The following SLC2A7 variants were observed in gnomAD, a reference collection of about 807,000 sequenced individuals.
SLC2A7 encodes the protein solute carrier family 2, facilitated glucose transporter member 7.
A neutral mutation model predicts 50.5 loss-of-function variants in SLC2A7; 50 were observed. The observed-to-expected ratio is 0.99, with a 90% CI of 0.79 to 1.25. SLC2A7 has a LOEUF of 1.25. Ranked by LOEUF, SLC2A7 falls within the 50% of genes most tolerant of loss-of-function variation. SLC2A7 has a pLI of 0.00. For synonymous variants in SLC2A7, 308 were observed against 300.4 expected (o/e 1.03, Z -0.26); for missense variants, 683 against 679.1 (o/e 1.01, Z -0.06).
Position 9,013,619 on chromosome 1 carries a change from T to C in SLC2A7, c.920A>G (p.Asp307Gly), listed in dbSNP as rs763395415. The change falls in exon 8 of 12, where the codon GAC becomes GGC. Residue 307 changes from aspartate (D) to glycine (G), a missense_variant. Transcript: ENST00000400906. The stretch of plus-strand genomic sequence containing the variant: ...CACGCCCGCAGATGTGTAGATGGTG[T>C]CCGCATAGTAGTTGATCTAAACAAA... ...SGINAINYYA[D>G]TIYTSAGVEA... The C allele has an allele frequency of 3.1e-6, 5 of 1,613,186 alleles. No individual in the cohort carries two copies. The highest frequency in any genetic ancestry group is 4.5e-5 in the East Asian group (2 of 44,818).
At position 9,003,464 on chromosome 1, in the gene SLC2A7, C is replaced by T; in HGVS notation, c.1375G>A (p.Ala459Thr). Reference sequence around the variant, plus strand: ...GGAATAACCACGTAGATGTAAATCGCAGTGAGGAGGCAGATTCCGGCAAAG... The same window carrying T: ...GGAATAACCACGTAGATGTAAATCGTAGTGAGGAGGCAGATTCCGGCAAAG... Reference protein sequence around the residue: ...IIFAGICLLTAIYIYVVIPET... With the variant: ...IIFAGICLLTTIYIYVVIPET... The change falls in exon 12 of 12, where the codon GCG (alanine) becomes ACG (threonine). Residue 459 changes from alanine to threonine, a missense_variant. By Grantham distance (58) the Ala-to-Thr change is moderately conservative. Coordinates refer to ENST00000400906, the MANE Select transcript of SLC2A7 (RefSeq NM_207420.3). The T allele has an allele frequency of 1.2e-6, 2 of 1,614,180 alleles. No individual in the cohort carries two copies. The highest frequency in any genetic ancestry group is 2.2e-5 in the East Asian group (1 of 44,894).
At chr1:9,024,946 C>CA in intron 2 of SLC2A7, 30 bp downstream of exon 2, 3 of 1,579,134 alleles carry the variant, frequency 1.9e-6, no homozygotes, top group East Asian at 4.7e-5. Context: ...AGCTGCTGCC[C>CA]GGCCCACCTT....
At chr1:8,996,344 C>A in the SLC2A7 span, among the ~76,000 whole-genome samples, 1 of 152,188 alleles carries the variant, frequency 6.6e-6, no homozygotes, top group Non-Finnish European at 1.5e-5. Flanking sequence ...GATTGCAGAG[C>A]GTGTCAATAG....
At chr1:9,010,901 C>T (rs1156704050) in intron 8 of SLC2A7, among the ~76,000 whole-genome samples, 1 of 152,202 alleles carries the variant, frequency 6.6e-6, no homozygotes, top group Non-Finnish European at 1.5e-5. Context: ...ACTGCCCTTC[C>T]CACCCCACTG....
intron 3 of SLC2A7, among the ~76,000 whole-genome samples, chr1:9,019,627 G>C (rs1042521529): frequency 6.6e-6 from 1 of 152,050 alleles, no homozygotes; most frequent in African/African-American, 2.4e-5. Context: ...TTTCTGCCCC[G>C]TGAAGACACA....
chr1:9,007,266 A>G, intron 10 of SLC2A7, 44 bp downstream of exon 10: 1 of 1,602,324 alleles, frequency 6.2e-7, no homozygotes, highest in South Asian at 1.1e-5. Flanking sequence ...AGGCCCAGGA[A>G]TGGACCAGGA....
chr1:9,003,550 G>T, intron 11 of SLC2A7, 32 bp from the exon 12 acceptor site: 1 of 1,585,296 alleles, frequency 6.3e-7, no homozygotes, highest in Non-Finnish European at 8.7e-7. Context: ...ACAGGAGGGG[G>T]CAGAGAAAGG....
At chr1:9,005,958 C>T (rs1640648022) in intron 10 of SLC2A7, among the ~76,000 whole-genome samples, 1 of 152,170 alleles carries the variant, frequency 6.6e-6, no homozygotes. Flanking sequence ...AAAGTGGACG[C>T]CGGCAGGGAT....
chr1:9,023,007 C>G lies in SLC2A7; in HGVS notation c.222G>C (p.Leu74=). ...HATFMDGKLM[L]LLWSCTVSMF... ...TGGAGACGGTGCAAGACCATAGAAG[C>G]AGCATGAGCTTCCCGTCCATGAATG... Residue 74 remains leucine (L), a synonymous_variant, in exon 3 of 12, where the codon CTG becomes CTC. Coordinates refer to ENST00000400906, the MANE Select transcript of SLC2A7 (RefSeq NM_207420.3). 1 of 1,614,180 alleles carries G rather than the reference C, an allele frequency of 6.2e-7. No individual in the cohort carries two copies. The highest frequency in any genetic ancestry group is 1.6e-4 in the Middle Eastern group (1 of 6,062).
rs757007868 is a variant in SLC2A7, at chr1:9,024,985, C to T, written c.141G>A (p.Thr47=). 3 of 1,535,800 alleles carry T rather than the reference C, an allele frequency of 2.0e-6. No homozygotes were observed. The highest frequency in any genetic ancestry group is 1.8e-6 in the Non-Finnish European group (2 of 1,134,664). Residue 47 remains threonine (T), a synonymous_variant, in exon 2 of 12, where the codon ACG becomes ACA. Coordinates refer to ENST00000400906, the MANE Select transcript of SLC2A7 (RefSeq NM_207420.3). ...CCCACCTTGTGCCCACCTTGTGCGG[C>T]GTGTTGACCACAGAGAGGTTGTAGC... ...QYGYNLSVVN[T]PHKVFKSFYN... is the part of the protein sequence containing the mutation.
At chr1:9,022,856 C>T in intron 3 of SLC2A7, 62 bp downstream of exon 3, 1 of 1,587,684 alleles carries the variant, frequency 6.3e-7, no homozygotes, top group Middle Eastern at 2.0e-4. Flanking sequence ...TGCACAAATG[C>T]CCAGAGACAG....
chr1:8,996,767 A>T, the SLC2A7 span, among the ~76,000 whole-genome samples: 26 of 152,236 alleles, frequency 1.7e-4, 1 homozygote, highest in South Asian at 2.1e-3. Context: ...ATAATTACAT[A>T]ATTACTAATA....
chr1:9,023,700 G>T (rs1640948718), intron 2 of SLC2A7, among the ~76,000 whole-genome samples: 1 of 151,460 alleles, frequency 6.6e-6, no homozygotes, highest in African/African-American at 2.4e-5. Flanking sequence ...TGAGGCCAAG[G>T]GTTCAAGAGC....
chr1:9,018,272 G>A lies in SLC2A7; in HGVS notation c.540C>T (p.Val180=), dbSNP rs1348907169. 1.9e-6 allele frequency: 3 copies of A among 1,614,066 alleles called. No individual in the cohort carries two copies. The highest frequency in any genetic ancestry group is 2.5e-6 in the Non-Finnish European group (3 of 1,180,044). ...TMTEVFVIVG[V]FLAQIFSLQA... is the part of the protein sequence containing the mutation. ...GGAGGCTGAAGATCTGTGCTAGGAAGACTCCAACGATGACGAAAACCTCGG... is the reference window on the plus strand; with the variant it reads ...GGAGGCTGAAGATCTGTGCTAGGAAAACTCCAACGATGACGAAAACCTCGG... Residue 180 remains valine (V), a synonymous_variant, in exon 5 of 12, where the codon GTC becomes GTT. Transcript: ENST00000400906.
chr1:9,021,151 A>C (rs536794943), intron 3 of SLC2A7, among the ~76,000 whole-genome samples: 2 of 152,282 alleles, frequency 1.3e-5, no homozygotes, highest in Non-Finnish European at 2.9e-5. Context: ...CTGGGATTAC[A>C]GGCATGCGCC....
chr1:9,019,773 A>C (rs560968495), intron 3 of SLC2A7, among the ~76,000 whole-genome samples: 2 of 152,302 alleles, frequency 1.3e-5, no homozygotes, highest in East Asian at 3.9e-4. Flanking sequence ...AAGAAACAAA[A>C]GTCAGCCAGG....
the SLC2A7 span, among the ~76,000 whole-genome samples, chr1:8,995,921 T>C: frequency 3.3e-5 from 5 of 152,034 alleles, no homozygotes; most frequent in Admixed American, 2.6e-4. Flanking sequence ...GCACGTGCTA[T>C]GACACTCTCC....
rs200213711 is a variant in SLC2A7 at position 9,015,078 on chromosome 1, G to C, written c.715+39C>G. ...GACCGTGTCTCTGCCTGGCCCCCGG[G>C]GTGGGCAGGGCCTGGGAGAGTAGCC... On this transcript the variant is annotated intron_variant, in intron 6 of 11. Transcript: ENST00000400906. 1,261 of 1,610,154 alleles carry C rather than the reference G, an allele frequency of 7.8e-4. 1 individual carries two copies. Among genetic ancestry groups the C allele is most frequent in the Non-Finnish European group, 1.0e-3 (1,177 of 1,178,900 alleles).
the SLC2A7 span, among the ~76,000 whole-genome samples, chr1:8,997,881 G>T: frequency 6.6e-6 from 1 of 151,954 alleles, no homozygotes; most frequent in Non-Finnish European, 1.5e-5. Context: ...TTTCTTTTAT[G>T]GATTGTGCTT....
Sources: gnomAD v4.1 joint callset for allele counts (sites outside exome capture counted in the v4.1 genomes callset) on GRCh38, gnomAD v4.1.1 for gene constraint, MANE v1.5 for transcripts, NCBI Gene and HGNC (gene_info 2026-07-23, HGNC 2026-07-21) for gene names.